CD2AP: variants seen among roughly 807,000 people sequenced by gnomAD.
CD2AP encodes the protein CD2-associated protein.
In CD2AP, 46 loss-of-function variants were observed where a neutral mutation model predicts 85.1. The ratio of observed to expected loss-of-function variants is 0.54; its 90% confidence interval spans 0.43 to 0.69. CD2AP has a LOEUF of 0.69. Ranked by LOEUF, CD2AP falls within the 30% of genes least tolerant of loss-of-function variation. CD2AP has a pLI of 0.00. For synonymous variants in CD2AP, 255 were observed against 252.9 expected, an observed-to-expected ratio of 1.01 and a Z score of -0.08; for missense variants, 769 against 729.5, an observed-to-expected ratio of 1.05 and a Z score of -0.62.
chr6:47,554,823 T>G, intron 5 of CD2AP, 57 bp downstream of exon 5: 1 of 1,434,690 alleles, frequency 7.0e-7, no homozygotes, highest in Admixed American at 2.1e-5. Context: ...TAGCATCTAG[T>G]GTTTTATTTT....
At chr6:47,496,676 C>T (rs1765864907) in intron 1 of CD2AP, among the ~76,000 whole-genome samples, 1 of 152,300 alleles carries the variant, frequency 6.6e-6, no homozygotes, top group East Asian at 1.9e-4. Flanking sequence ...CTTACAAACA[C>T]TATTTCCTTG....
chr6:47,510,215 G>T (rs1278219311), intron 2 of CD2AP, among the ~76,000 whole-genome samples: 3 of 152,132 alleles, frequency 2.0e-5, no homozygotes, highest in Non-Finnish European at 4.4e-5. Flanking sequence ...TACAGGAATG[G>T]TTTTGTATAT....
At chr6:47,517,094 C>T (rs530398331) in intron 2 of CD2AP, among the ~76,000 whole-genome samples, 20 of 151,966 alleles carry the variant, frequency 1.3e-4, no homozygotes, top group Non-Finnish European at 2.6e-4. Context: ...TCACCCAGTT[C>T]ACTTGGGATC....
At chr6:47,618,186 G>C (rs1427279042) in intron 17 of CD2AP, among the ~76,000 whole-genome samples, 1 of 152,102 alleles carries the variant, frequency 6.6e-6, no homozygotes, top group Non-Finnish European at 1.5e-5. Flanking sequence ...TGGGCATGGT[G>C]GTACACACCT....
At chr6:47,478,795 C>T (rs569300388) in intron 1 of CD2AP, among the ~76,000 whole-genome samples, 3 of 152,154 alleles carry the variant, frequency 2.0e-5, no homozygotes, top group Admixed American at 6.5e-5. Context: ...TTGTTTTACT[C>T]GGGTTCTACC....
intron 11 of CD2AP, among the ~76,000 whole-genome samples, chr6:47,585,598 GTA>G (rs1228380796): frequency 2.0e-5 from 3 of 152,156 alleles, no homozygotes; most frequent in Non-Finnish European, 4.4e-5. Flanking sequence ...GCAGAGATAG[GTA>G]TTTAGGAAGG....
intron 15 of CD2AP, among the ~76,000 whole-genome samples, chr6:47,608,286 C>T (rs992942840): frequency 6.6e-6 from 1 of 152,068 alleles, no homozygotes; most frequent in Non-Finnish European, 1.5e-5. Flanking sequence ...GCATCTATTT[C>T]GTTTCTCCAT....
intron 11 of CD2AP, among the ~76,000 whole-genome samples, chr6:47,591,363 A>G (rs1768787576): frequency 1.3e-5 from 2 of 152,148 alleles, no homozygotes; most frequent in Non-Finnish European, 2.9e-5. Flanking sequence ...CTCAAACTTT[A>G]TACTTACCAT....
intron 2 of CD2AP, among the ~76,000 whole-genome samples, chr6:47,527,369 C>G (rs1766757938): frequency 6.6e-6 from 1 of 152,076 alleles, no homozygotes; most frequent in Admixed American, 6.5e-5. Flanking sequence ...CTGTAAATTT[C>G]TTATATCCAA....
chr6:47,597,772 A>G (rs1385456480), intron 12 of CD2AP, among the ~76,000 whole-genome samples: 1 of 132,056 alleles, frequency 7.6e-6, no homozygotes, highest in Non-Finnish European at 1.8e-5. Flanking sequence ...CTTTTGAGTA[A>G]GAAGGCAGGT....
At chr6:47,478,841 C>T (rs1020892225) in intron 1 of CD2AP, among the ~76,000 whole-genome samples, 3 of 152,096 alleles carry the variant, frequency 2.0e-5, no homozygotes, top group Non-Finnish European at 2.9e-5. Context: ...ATTCAGTGTG[C>T]TCCCGAGGAC....
intron 5 of CD2AP, among the ~76,000 whole-genome samples, chr6:47,567,439 G>A (rs549205649): frequency 1.3e-5 from 2 of 152,018 alleles, no homozygotes; most frequent in Non-Finnish European, 2.9e-5. Flanking sequence ...CAAAGTCCTG[G>A]GAATACAGTG....
At chr6:47,611,238 C>T (rs12661844) in intron 16 of CD2AP, among the ~76,000 whole-genome samples, 38,032 of 150,948 alleles carry the variant, frequency 0.25, 5,499 homozygotes, top group East Asian at 0.6. Flanking sequence ...GAAGCATACA[C>T]GCAATCAGTG....
intron 4 of CD2AP, among the ~76,000 whole-genome samples, chr6:47,545,895 C>T (rs185906938): frequency 9.7e-4 from 147 of 152,210 alleles, no homozygotes; most frequent in Non-Finnish European, 1.6e-3. Flanking sequence ...CAGAGCCTAC[C>T]CAAATGAGAA....
intron 4 of CD2AP, among the ~76,000 whole-genome samples, chr6:47,552,869 C>T (rs773262751): frequency 6.6e-6 from 1 of 152,118 alleles, no homozygotes; most frequent in Admixed American, 6.6e-5. Flanking sequence ...TATTCTAGCA[C>T]CCATTTTTAT....
chr6:47,479,892 T>A (rs1002884704), intron 1 of CD2AP, among the ~76,000 whole-genome samples: 1 of 151,572 alleles, frequency 6.6e-6, no homozygotes, highest in African/African-American at 2.4e-5. Context: ...CCTTTTCTAA[T>A]TTTTTTTTAG....
intron 5 of CD2AP, among the ~76,000 whole-genome samples, chr6:47,566,323 T>TATACACATATATATATATATACACAC: frequency 9.2e-6 from 1 of 108,458 alleles, no homozygotes; most frequent in African/African-American, 2.9e-5. Context: ...TATATATATA[T>TATACACATATATATATATATACACAC]ACACATACAC....
intron 4 of CD2AP, among the ~76,000 whole-genome samples, chr6:47,551,930 G>A (rs899928632): frequency 2.0e-5 from 3 of 152,134 alleles, no homozygotes; most frequent in Non-Finnish European, 4.4e-5. Context: ...GCTCTTAAGT[G>A]CAAGCATTTC....
chr6:47,547,317 G>T (rs1207264654), intron 4 of CD2AP, among the ~76,000 whole-genome samples: 3 of 152,022 alleles, frequency 2.0e-5, no homozygotes, highest in African/African-American at 7.2e-5. Context: ...AACACATAAG[G>T]AATCATAAAC....
Sources: gnomAD v4.1 joint callset for allele counts (sites outside exome capture counted in the v4.1 genomes callset) on GRCh38, gnomAD v4.1.1 for gene constraint, MANE v1.5 for transcripts, NCBI Gene and HGNC (gene_info 2026-07-23, HGNC 2026-07-21) for gene names.